NALCN: variants seen among roughly 807,000 people sequenced by gnomAD.
NALCN encodes sodium leak channel, non-selective.
In NALCN, 111 loss-of-function variants were observed where a neutral mutation model predicts 225.3. That is an observed-to-expected ratio of 0.49 (90% CI 0.42 to 0.58). The LOEUF (loss-of-function observed/expected upper bound fraction) is 0.58. NALCN is among the 20% of genes least tolerant of loss of function. NALCN has a pLI of 0.00. For missense variants in NALCN, 1,378 were observed against 2,202.4 expected (o/e 0.63, Z 7.49); for synonymous variants, 764 against 769.0 (o/e 0.99, Z 0.11).
intron 6 of NALCN, among the ~76,000 whole-genome samples, chr13:101,354,533 A>C (rs2045994636): frequency 6.6e-6 from 1 of 152,172 alleles, no homozygotes; most frequent in Non-Finnish European, 1.5e-5. Flanking sequence ...CAGGGTGAGA[A>C]TCTATATGTA....
At chr13:101,129,785 G>C (rs556545477) in intron 17 of NALCN, among the ~76,000 whole-genome samples, 1 of 148,446 alleles carries the variant, frequency 6.7e-6, no homozygotes, top group African/African-American at 2.5e-5. Flanking sequence ...GGTTTGTTAC[G>C]TAGGTATGCA....
At chr13:101,220,784 A>C (rs142914964) in intron 13 of NALCN, among the ~76,000 whole-genome samples, 8 of 152,344 alleles carry the variant, frequency 5.3e-5, no homozygotes, top group Non-Finnish European at 1.2e-4. Flanking sequence ...GAATGGATCT[A>C]AAAAGCAGCC....
chr13:101,198,378 T>C (rs2039975268), intron 13 of NALCN, among the ~76,000 whole-genome samples: 1 of 152,150 alleles, frequency 6.6e-6, no homozygotes, highest in East Asian at 1.9e-4. Flanking sequence ...GAGAAAATTT[T>C]TGCAATCTAC....
chr13:101,189,433 T>C (rs1378894396), intron 14 of NALCN, among the ~76,000 whole-genome samples: 4 of 152,232 alleles, frequency 2.6e-5, no homozygotes, highest in African/African-American at 9.6e-5. Flanking sequence ...TTAAAGGGGC[T>C]CAGTGCTGGT....
intron 6 of NALCN, among the ~76,000 whole-genome samples, chr13:101,348,039 G>A (rs569291190): frequency 6.6e-6 from 1 of 152,124 alleles, no homozygotes; most frequent in Non-Finnish European, 1.5e-5. Context: ...ACTCTTGAAG[G>A]CAAGGTGAAG....
chr13:101,100,731 C>A, intron 27 of NALCN, 53 bp downstream of exon 27: 1 of 1,457,222 alleles, frequency 6.9e-7, no homozygotes, highest in South Asian at 1.3e-5. Context: ...AGGCACATGC[C>A]ACCACACTTG....
At chr13:101,077,520 G>A (rs2139485883) in intron 34 of NALCN, among the ~76,000 whole-genome samples, 1 of 152,310 alleles carries the variant, frequency 6.6e-6, no homozygotes, top group East Asian at 1.9e-4. Flanking sequence ...CTAGGGCAAA[G>A]GTGACTCTTG....
intron 11 of NALCN, among the ~76,000 whole-genome samples, chr13:101,249,797 T>G (rs957128605): frequency 6.6e-6 from 1 of 152,104 alleles, no homozygotes; most frequent in Non-Finnish European, 1.5e-5. Flanking sequence ...ACATTAATGA[T>G]GAAATCATAA....
intron 1 of NALCN, among the ~76,000 whole-genome samples, chr13:101,413,248 A>C: frequency 6.6e-6 from 1 of 152,298 alleles, no homozygotes. Context: ...AATTACTGGA[A>C]ATTTATCATA....
At chr13:101,344,489 C>A (rs112779409) in intron 7 of NALCN, among the ~76,000 whole-genome samples, 1 of 152,094 alleles carries the variant, frequency 6.6e-6, no homozygotes, top group Non-Finnish European at 1.5e-5. Flanking sequence ...TGGTTTAGCA[C>A]GCAGGCCTGA....
At chr13:101,381,315 G>C (rs1160190109) in intron 3 of NALCN, among the ~76,000 whole-genome samples, 1 of 151,958 alleles carries the variant, frequency 6.6e-6, no homozygotes, top group Non-Finnish European at 1.5e-5. Context: ...CATCACAAAG[G>C]TTACATATAT....
intron 13 of NALCN, among the ~76,000 whole-genome samples, chr13:101,208,568 A>G (rs1008912442): frequency 1.3e-5 from 2 of 152,184 alleles, no homozygotes; most frequent in Non-Finnish European, 2.9e-5. Context: ...ATATGGTGAT[A>G]TGGTTTGCAT....
intron 2 of NALCN, 107 bp downstream of exon 2, chr13:101,398,912 A>T: frequency 1.5e-6 from 1 of 672,714 alleles, no homozygotes; most frequent in Non-Finnish European, 2.7e-6. Flanking sequence ...TCCATATTCT[A>T]CTGCAGCTCA....
intron 9 of NALCN, among the ~76,000 whole-genome samples, chr13:101,287,978 T>A (rs932090029): frequency 1.3e-5 from 2 of 152,242 alleles, no homozygotes; most frequent in Non-Finnish European, 2.9e-5. Context: ...TACACAGTAA[T>A]GCAGAGAAAA....
intron 12 of NALCN, among the ~76,000 whole-genome samples, chr13:101,233,328 T>C (rs935655082): frequency 6.6e-6 from 1 of 151,278 alleles, no homozygotes; most frequent in Non-Finnish European, 1.5e-5. Context: ...AAATTCATGT[T>C]CTTGGGAAGA....
At chr13:101,198,970 A>G (rs959066576) in intron 13 of NALCN, among the ~76,000 whole-genome samples, 1 of 152,040 alleles carries the variant, frequency 6.6e-6, no homozygotes, top group African/African-American at 2.4e-5. Context: ...CATAAAATTG[A>G]TGAGTTCATG....
intron 30 of NALCN, among the ~76,000 whole-genome samples, chr13:101,088,910 CTT>C (rs11303597): frequency 0.016 from 2,306 of 142,930 alleles, 54 homozygotes; most frequent in African/African-American, 0.046. Context: ...TCTTTTTTTT[CTT>C]TTTTTTTTTT....
At chr13:101,410,336 G>GA (rs1268631061) in intron 1 of NALCN, among the ~76,000 whole-genome samples, 1 of 152,206 alleles carries the variant, frequency 6.6e-6, no homozygotes, top group African/African-American at 2.4e-5. Context: ...ATGCTCAGAA[G>GA]AGAACACTTA....
chr13:101,403,398 T>C (rs2047531592), intron 1 of NALCN, among the ~76,000 whole-genome samples: 1 of 152,196 alleles, frequency 6.6e-6, no homozygotes, highest in South Asian at 2.1e-4. Flanking sequence ...TCCTGCAACC[T>C]TTACTCAACT....
Sources: gnomAD v4.1 joint callset for allele counts (sites outside exome capture counted in the v4.1 genomes callset) on GRCh38, gnomAD v4.1.1 for gene constraint, MANE v1.5 for transcripts, NCBI Gene and HGNC (gene_info 2026-07-23, HGNC 2026-07-21) for gene names.